The following NCOA1 variants were observed in gnomAD, a reference collection of about 807,000 sequenced individuals.
The protein encoded by NCOA1 is Hin-2 protein.
A neutral mutation model predicts 150.9 loss-of-function variants in NCOA1; 35 were observed. The observed-to-expected ratio is 0.23, with a 90% confidence interval of 0.18 to 0.31. The LOEUF (loss-of-function observed/expected upper bound fraction) is 0.31. NCOA1 is among the 10% of genes least tolerant of loss of function. The pLI is 1.00. For missense variants in NCOA1, 1,491 were observed against 1,749.3 expected, an observed-to-expected ratio of 0.85 and a Z score of 2.63; for synonymous variants, 590 against 630.0, an observed-to-expected ratio of 0.94 and a Z score of 0.95.
At chr2:24,561,873 T>G (rs1666306524) in intron 1 of NCOA1, among the ~76,000 whole-genome samples, 1 of 152,064 alleles carries the variant, frequency 6.6e-6, no homozygotes, top group South Asian at 2.1e-4. Flanking sequence ...GAGACCAACC[T>G]TATGGGCAAA....
Position 24,729,725 on chromosome 2 carries a change from C to T in NCOA1, c.3111C>T (p.Gly1037=), listed in dbSNP as rs140516599. 157 of 1,614,234 alleles carry T rather than the reference C, an allele frequency of 9.7e-5. No individual in the cohort carries two copies. In the Admixed American group the frequency reaches 1.0e-3, roughly 11 times the overall value. ...GAGGTGCTTTTTCACCTGGCATGGG[C>T]ATGCAGCCCAGGCAAACTCTAAACA... is the stretch of plus-strand genomic sequence containing the variant. ...PPRGAFSPGM[G]MQPRQTLNRP... The change falls in exon 17 of 23, where the codon GGC becomes GGT. Residue 1037 remains glycine (G), a synonymous_variant. Transcript: ENST00000348332.
intron 3 of NCOA1, among the ~76,000 whole-genome samples, chr2:24,595,687 A>C (rs1442172001): frequency 1.3e-5 from 2 of 151,890 alleles, no homozygotes; most frequent in Non-Finnish European, 2.9e-5. Context: ...GAGGCGTCCT[A>C]ATTGGTGTCC....
chr2:24,759,709 C>G (rs1032799377), intron 21 of NCOA1, among the ~76,000 whole-genome samples: 1 of 151,942 alleles, frequency 6.6e-6, no homozygotes, highest in Non-Finnish European at 1.5e-5. Flanking sequence ...TCAAATGATA[C>G]TATATCACCT....
At chr2:24,629,922 C>T (rs1669627944) in intron 3 of NCOA1, among the ~76,000 whole-genome samples, 1 of 148,816 alleles carries the variant, frequency 6.7e-6, no homozygotes, top group South Asian at 2.1e-4. Context: ...CGGCTCACTG[C>T]AAGCTCCGCC....
intron 14 of NCOA1, among the ~76,000 whole-genome samples, chr2:24,724,606 AT>A (rs1432084788): frequency 6.6e-6 from 1 of 152,052 alleles, no homozygotes; most frequent in Non-Finnish European, 1.5e-5. Flanking sequence ...TTTTGAAAAT[AT>A]TTTATCCAAC....
intron 1 of NCOA1, among the ~76,000 whole-genome samples, chr2:24,561,447 G>C (rs933775718): frequency 1.3e-5 from 2 of 152,146 alleles, no homozygotes; most frequent in Non-Finnish European, 2.9e-5. Flanking sequence ...ACAAAAATTG[G>C]ATGTGAGATG....
chr2:24,548,871 G>A (rs1304775498), intron 1 of NCOA1, among the ~76,000 whole-genome samples: 1 of 152,184 alleles, frequency 6.6e-6, no homozygotes, highest in Non-Finnish European at 1.5e-5. Context: ...CCTCATGGCT[G>A]CTTTCATGGG....
At chr2:24,767,088 CA>C (rs1234711962) in intron 22 of NCOA1, among the ~76,000 whole-genome samples, 1 of 152,094 alleles carries the variant, frequency 6.6e-6, no homozygotes, top group East Asian at 1.9e-4. Flanking sequence ...GATAGGAGAC[CA>C]GGGGACAGAC....
intron 2 of NCOA1, among the ~76,000 whole-genome samples, chr2:24,579,325 T>C (rs1329327937): frequency 6.6e-6 from 1 of 152,076 alleles, no homozygotes; most frequent in Admixed American, 6.6e-5. Flanking sequence ...AGGCAGGAGG[T>C]TAGGCATATA....
At chr2:24,588,034 T>G (rs187379066) in intron 3 of NCOA1, among the ~76,000 whole-genome samples, 1 of 152,288 alleles carries the variant, frequency 6.6e-6, no homozygotes, top group African/African-American at 2.4e-5. Context: ...CATGGGACTC[T>G]GCAGTTGGCT....
At chr2:24,496,082 C>T (rs1262164908) in intron 1 of NCOA1, among the ~76,000 whole-genome samples, 1 of 152,166 alleles carries the variant, frequency 6.6e-6, no homozygotes, top group African/African-American at 2.4e-5. Context: ...GTTTCTTTAT[C>T]ATTAAATGAG....
At chr2:24,635,257 T>G (rs1669890716) in intron 3 of NCOA1, among the ~76,000 whole-genome samples, 1 of 152,148 alleles carries the variant, frequency 6.6e-6, no homozygotes, top group African/African-American at 2.4e-5. Flanking sequence ...CATTTGCATA[T>G]CTTTTTTGAA....
intron 3 of NCOA1, among the ~76,000 whole-genome samples, chr2:24,639,915 TG>T: frequency 9.5e-5 from 1 of 10,554 alleles, no homozygotes; most frequent in African/African-American, 2.0e-4. Flanking sequence ...TATGTGTGTG[TG>T]TATATATATA....
intron 1 of NCOA1, among the ~76,000 whole-genome samples, chr2:24,497,700 T>G (rs984834710): frequency 2.0e-5 from 3 of 152,140 alleles, no homozygotes; most frequent in African/African-American, 7.2e-5. Flanking sequence ...TTGTGCTGTT[T>G]CTGGTCTCAC....
chr2:24,543,184 A>G (rs1665469714), intron 1 of NCOA1, among the ~76,000 whole-genome samples: 1 of 152,200 alleles, frequency 6.6e-6, no homozygotes, highest in African/African-American at 2.4e-5. Flanking sequence ...GTCAAAACAC[A>G]GTGGAAAAGC....
intron 1 of NCOA1, among the ~76,000 whole-genome samples, chr2:24,563,374 T>C (rs530762166): frequency 1.4e-4 from 22 of 152,294 alleles, no homozygotes; most frequent in African/African-American, 4.8e-4. Flanking sequence ...GCCCCACATT[T>C]CTGACCCGTG....
intron 1 of NCOA1, among the ~76,000 whole-genome samples, chr2:24,512,128 A>C (rs982718748): frequency 6.6e-6 from 1 of 152,344 alleles, no homozygotes; most frequent in South Asian, 2.1e-4. Flanking sequence ...TTGATTATGC[A>C]GTTGAATCTC....
At chr2:24,724,240 A>G (rs1304388020) in intron 14 of NCOA1, among the ~76,000 whole-genome samples, 1 of 152,124 alleles carries the variant, frequency 6.6e-6, no homozygotes, top group African/African-American at 2.4e-5. Flanking sequence ...TTCTGCCCCT[A>G]CTTCAGCTGC....
At chr2:24,536,765 TG>T (rs1189127261) in intron 1 of NCOA1, among the ~76,000 whole-genome samples, 2 of 152,184 alleles carry the variant, frequency 1.3e-5, no homozygotes, top group Non-Finnish European at 2.9e-5. Flanking sequence ...CCTGTTTGTG[TG>T]GGTCTCACCA....
Sources: gnomAD v4.1 joint callset for allele counts (sites outside exome capture counted in the v4.1 genomes callset) on GRCh38, gnomAD v4.1.1 for gene constraint, MANE v1.5 for transcripts, NCBI Gene and HGNC (gene_info 2026-07-23, HGNC 2026-07-21) for gene names.